The following SCAF8 variants were observed in gnomAD, a reference collection of about 807,000 sequenced individuals.
The protein encoded by SCAF8 is SR-related CTD associated factor 8, also known as SR-related and CTD-associated factor 8.
A neutral mutation model predicts 140.5 loss-of-function variants in SCAF8; 23 were observed. The ratio of observed to expected loss-of-function variants is 0.16; its 90% CI spans 0.12 to 0.23. SCAF8 has a LOEUF of 0.23. SCAF8 is among the 10% of genes least tolerant of loss of function. SCAF8 has a pLI of 1.00. For synonymous variants in SCAF8, 575 were observed against 528.9 expected, an observed-to-expected ratio of 1.09 and a Z score of -1.20; for missense variants, 1,397 against 1,555.7, an observed-to-expected ratio of 0.90 and a Z score of 1.72.
chr6:154,815,304 TAAATA>T (rs1778215483), intron 12 of SCAF8, among the ~76,000 whole-genome samples: 2 of 152,080 alleles, frequency 1.3e-5, no homozygotes, highest in South Asian at 4.2e-4. Context: ...CTCAAAAAAA[TAAATA>T]AATAAATAAA....
At chr6:154,823,312 AT>A (rs1479015833) in intron 16 of SCAF8, among the ~76,000 whole-genome samples, 1 of 152,198 alleles carries the variant, frequency 6.6e-6, no homozygotes, top group Non-Finnish European at 1.5e-5. Context: ...GTTTTAAAGG[AT>A]TGCACTGGTT....
At chr6:154,774,786 G>T (rs1226449881) in intron 2 of SCAF8, among the ~76,000 whole-genome samples, 1 of 152,104 alleles carries the variant, frequency 6.6e-6, no homozygotes, top group African/African-American at 2.4e-5. Flanking sequence ...GAAAATCTCA[G>T]GAAAAGGTTG....
Position 154,797,629 on chromosome 6 carries a change from T to G in SCAF8, c.606+2490T>G, listed in dbSNP as rs371507556. 2.6e-5 allele frequency among the ~76,000 whole-genome samples: 4 copies of G among 151,318 alleles called. No individual in the cohort carries two copies. The East Asian group carries it at 7.7e-4, about 29-fold the overall frequency. ...CAGGATGGTCTTGATCTCCTGACCT[T>G]GTGATCTGCCCGCCTCTGCCTCCCA... On this transcript the variant is annotated intron_variant, in intron 6 of 19. Transcript: ENST00000367178.
At chr6:154,778,486 T>G (rs528345786) in intron 3 of SCAF8, among the ~76,000 whole-genome samples, 3 of 152,174 alleles carry the variant, frequency 2.0e-5, no homozygotes, top group African/African-American at 7.2e-5. Flanking sequence ...ATTGATAGGC[T>G]GTGCACAATG....
chr6:154,810,271 A>G (rs1259372024), intron 12 of SCAF8, 63 bp downstream of exon 12: 13 of 1,254,370 alleles, frequency 1.0e-5, no homozygotes, highest in Non-Finnish European at 1.4e-5. Context: ...GTTATCTGCT[A>G]CAAAGTCTCT....
chr6:154,798,972 A>C (rs1277793653), intron 6 of SCAF8, among the ~76,000 whole-genome samples: 1 of 149,914 alleles, frequency 6.7e-6, no homozygotes, highest in Non-Finnish European at 1.5e-5. Context: ...TTAATTTTTT[A>C]TTTTTATTTT....
At chr6:154,734,822 C>T (rs1242950142) in intron 1 of SCAF8, among the ~76,000 whole-genome samples, 1 of 152,160 alleles carries the variant, frequency 6.6e-6, no homozygotes, top group Non-Finnish European at 1.5e-5. Flanking sequence ...CCTACCCGTA[C>T]GCCTTGGAAA....
Position 154,832,520 on chromosome 6 carries a change from A to G in SCAF8, c.2941A>G (p.Arg981Gly). The G allele has an allele frequency of 1.9e-6, 3 of 1,613,870 alleles. No homozygotes were observed. Among genetic ancestry groups the G allele is most frequent in the Non-Finnish European group, 2.5e-6 (3 of 1,179,940 alleles). Reference sequence around the variant, plus strand: ...AGGAGATATTTTTAGTCAACCAGAAAGACCTTTTTTAGCTCCTGGAAGACA... The same window carrying G: ...AGGAGATATTTTTAGTCAACCAGAAGGACCTTTTTTAGCTCCTGGAAGACA... ...PPGDIFSQPE[R>G]PFLAPGRQSV... Residue 981 changes from arginine (R) to glycine (G), a missense_variant, in exon 20 of 20, where the codon AGA (arginine) becomes GGA (glycine). Physicochemically the swap from Arg to Gly is moderately radical, Grantham distance 125. Coordinates refer to ENST00000367178, the MANE Select transcript of SCAF8 (RefSeq NM_014892.5).
chr6:154,805,574 T>A (rs1013487867), intron 9 of SCAF8, 88 bp downstream of exon 9: 40 of 550,218 alleles, frequency 7.3e-5, no homozygotes, highest in African/African-American at 2.9e-4. Flanking sequence ...TTTTTTTTTT[T>A]AATTGGTCTT....
chr6:154,741,811 G>C lies in SCAF8; in HGVS notation c.30+7881G>C, dbSNP rs554129404. 7.0e-6 allele frequency: 4 copies of C among 570,750 alleles called. No homozygotes were observed. The South Asian group carries it at 8.1e-5, about 12-fold the overall frequency. The allele number at this position is 570,750 out of a possible 1,614,324, so 35.4% of individuals were successfully genotyped here. On this transcript the variant is annotated intron_variant, in intron 1 of 19. Coordinates refer to ENST00000367178, the MANE Select transcript of SCAF8 (RefSeq NM_014892.5). Reference sequence around the variant, plus strand: ...ATCTCTTTCTAAGGCCAGTTACGCTGTTTTGGACAACTTCTAACTCATAAT... The same window carrying C: ...ATCTCTTTCTAAGGCCAGTTACGCTCTTTTGGACAACTTCTAACTCATAAT...
intron 1 of SCAF8, among the ~76,000 whole-genome samples, chr6:154,739,996 T>G (rs1582991013): frequency 6.6e-6 from 1 of 152,208 alleles, no homozygotes; most frequent in Admixed American, 6.5e-5. Context: ...GCATTTGTCT[T>G]TTATTTTCAT....
At chr6:154,813,128 C>G (rs994762217) in intron 12 of SCAF8, among the ~76,000 whole-genome samples, 1 of 151,978 alleles carries the variant, frequency 6.6e-6, no homozygotes, top group African/African-American at 2.4e-5. Context: ...TCACTTGTGC[C>G]TAGGAGGTTG....
intron 6 of SCAF8, among the ~76,000 whole-genome samples, chr6:154,801,547 A>G (rs1220320002): frequency 6.6e-6 from 1 of 151,444 alleles, no homozygotes; most frequent in Non-Finnish European, 1.5e-5. Flanking sequence ...CTACTCTGAG[A>G]AACAGATTTC....
chr6:154,807,867 C>G (rs1777967833), intron 9 of SCAF8, among the ~76,000 whole-genome samples: 1 of 152,136 alleles, frequency 6.6e-6, no homozygotes. Context: ...TTTTATGGAG[C>G]TGTTCTCTGC....
intron 6 of SCAF8, among the ~76,000 whole-genome samples, chr6:154,795,862 A>G (rs1178322515): frequency 5.3e-5 from 8 of 152,148 alleles, no homozygotes; most frequent in Non-Finnish European, 1.2e-4. Flanking sequence ...TATTGTTCAA[A>G]TCTTTTATGT....
intron 1 of SCAF8, among the ~76,000 whole-genome samples, chr6:154,759,015 C>T (rs779367516): frequency 2.6e-5 from 4 of 152,248 alleles, no homozygotes; most frequent in East Asian, 1.9e-4. Flanking sequence ...CTAAACACTA[C>T]GAAATTACCT....
At chr6:154,808,297 C>G in intron 10 of SCAF8, 96 bp downstream of exon 10, 13 of 1,225,506 alleles carry the variant, frequency 1.1e-5, no homozygotes, top group Non-Finnish European at 1.5e-5. Flanking sequence ...TATATTTTTC[C>G]CACACTTAAG....
rs1373280353 is a variant in SCAF8, at chr6:154,733,603, A to G, written c.-298A>G. 4.6e-6 allele frequency: 6 copies of G among 1,290,730 alleles called. No homozygotes were observed. The highest frequency in any genetic ancestry group is 2.5e-5 in the South Asian group (1 of 39,638). 80.0% of individuals were successfully genotyped at this position (1,290,730 alleles called of 1,614,324 possible). A position where few individuals can be genotyped will look rare whatever the true frequency, so the allele number is the denominator to read the frequency against. On this transcript the variant is annotated 5_prime_UTR_variant, in exon 1 of 20. Transcript: ENST00000367178. The stretch of plus-strand genomic sequence containing the variant: ...ACCGAAACGGAGCGGGGCAGAGAAG[A>G]GAAGGCGCCGCGGCCCAGCCCCTCC...
chr6:154,821,532 CAG>C (rs781464250), intron 15 of SCAF8, among the ~76,000 whole-genome samples: 17 of 152,046 alleles, frequency 1.1e-4, no homozygotes, highest in Non-Finnish European at 2.2e-4. Flanking sequence ...AGAAAAAAAT[CAG>C]GGAAGGGAGA....
Sources: allele counts gnomAD v4.1 joint callset (sites outside exome capture counted in the v4.1 genomes callset), GRCh38; gene constraint gnomAD v4.1.1; transcripts MANE v1.5; gene names NCBI Gene and HGNC (gene_info 2026-07-23, HGNC 2026-07-21).